Variants in RP1 observed in about 807,000 individuals in gnomAD.
The protein encoded by RP1 is oxygen-regulated protein 1.
RP1 carries 16 observed loss-of-function variants against 14.8 expected under a neutral mutation model. That is an observed-to-expected ratio of 1.08 (90% CI 0.73 to 1.65). The LOEUF (loss-of-function observed/expected upper bound fraction) is 1.65. RP1 is among the 40% of genes most tolerant of loss of function. The pLI, the probability that RP1 is intolerant of heterozygous loss-of-function variation, is 0.00. For missense variants in RP1, 2,631 were observed against 2,535.0 expected, an observed-to-expected ratio of 1.04 and a Z score of -0.81; for synonymous variants, 876 against 883.6, an observed-to-expected ratio of 0.99 and a Z score of 0.15.
intron 1 of RP1, among the ~76,000 whole-genome samples, chr8:54,577,719 A>G (rs1804692335): frequency 6.6e-6 from 1 of 152,192 alleles, no homozygotes; most frequent in Non-Finnish European, 1.5e-5. Flanking sequence ...CTCATATTGT[A>G]GATGAGGAAA....
intron 14 of RP1, among the ~76,000 whole-genome samples, chr8:54,703,750 A>G (rs1020493994): frequency 6.6e-6 from 1 of 152,130 alleles, no homozygotes; most frequent in Admixed American, 6.6e-5. Flanking sequence ...TCTGTTGATA[A>G]TCTCATCAAT....
Position 54,625,129 on chromosome 8 carries a change from T to G in RP1, c.1247T>G (p.Val416Gly). ...EEINIQMTDQ[V>G]AETCSSASWE... The stretch of plus-strand genomic sequence containing the variant: ...ATAAACATTCAAATGACAGATCAAG[T>G]GGCTGAAACTTGCAGTTCTGCTAGT... The change falls in exon 4 of 4, where the codon GTG becomes GGG. Residue 416 changes from valine (V) to glycine (G), a missense_variant. Val to Gly is a moderately radical substitution (Grantham distance 109). Transcript: ENST00000220676. 1 of 1,614,166 alleles carries G rather than the reference T, an allele frequency of 6.2e-7. No individual in the cohort carries two copies. The highest frequency in any genetic ancestry group is 8.5e-7 in the Non-Finnish European group (1 of 1,180,028).
chr8:54,793,585 C>A (rs758019018), intron 24 of RP1, among the ~76,000 whole-genome samples: 2 of 151,854 alleles, frequency 1.3e-5, no homozygotes, highest in Non-Finnish European at 2.9e-5. Context: ...ATAATGTGAT[C>A]ATCTCAACAG....
intron 17 of RP1, among the ~76,000 whole-genome samples, chr8:54,733,060 C>T (rs758508721): frequency 1.3e-5 from 2 of 152,044 alleles, no homozygotes; most frequent in Non-Finnish European, 2.9e-5. Flanking sequence ...TAGTGTGCAG[C>T]GCAGAAGAAA....
At chr8:54,726,278 T>C (rs1052347557) in intron 16 of RP1, 76 of 1,456,252 alleles carry the variant, frequency 5.2e-5, no homozygotes, top group African/African-American at 4.6e-4. Flanking sequence ...GCTGAACATA[T>C]GATGAGTATT....
chr8:54,856,422 T>C (rs892010468), intron 26 of RP1, among the ~76,000 whole-genome samples: 1 of 152,218 alleles, frequency 6.6e-6, no homozygotes, highest in African/African-American at 2.4e-5. Context: ...TTTTAAAACG[T>C]CCTATGCGTG....
At chr8:54,723,583 A>T (rs1280388138) in intron 16 of RP1, among the ~76,000 whole-genome samples, 3 of 152,074 alleles carry the variant, frequency 2.0e-5, no homozygotes, top group Non-Finnish European at 2.9e-5. Context: ...AAAAGATCTG[A>T]CCCCTTGGGC....
At chr8:54,795,087 A>G (rs1810549800) in intron 24 of RP1, among the ~76,000 whole-genome samples, 1 of 151,994 alleles carries the variant, frequency 6.6e-6, no homozygotes, top group South Asian at 2.1e-4. Context: ...AAAACAAGAG[A>G]TAGTAAGTTT....
chr8:54,739,550 A>T (rs1455710166), intron 19 of RP1, among the ~76,000 whole-genome samples: 3 of 152,190 alleles, frequency 2.0e-5, no homozygotes, highest in African/African-American at 7.2e-5. Flanking sequence ...TGTTCATAGA[A>T]ATCTGAAGAA....
intron 19 of RP1, among the ~76,000 whole-genome samples, chr8:54,753,521 G>A (rs1318106031): frequency 6.6e-6 from 1 of 152,134 alleles, no homozygotes; most frequent in Non-Finnish European, 1.5e-5. Flanking sequence ...GACTCATCAC[G>A]GTAATGAGTC....
upstream of RP1, among the ~76,000 whole-genome samples, chr8:54,613,647 G>A (rs1049485101): frequency 6.6e-6 from 1 of 152,164 alleles, no homozygotes. Flanking sequence ...GCGTGTTGAT[G>A]TAGTGGGAAG....
At chr8:54,845,702 C>A (rs1449882361) in intron 25 of RP1, among the ~76,000 whole-genome samples, 1 of 152,224 alleles carries the variant, frequency 6.6e-6, no homozygotes, top group Non-Finnish European at 1.5e-5. Context: ...GCAATAGCTG[C>A]TTAAATCTAG....
chr8:54,696,844 G>C (rs1475447033), intron 12 of RP1: 1 of 749,732 alleles, frequency 1.3e-6, no homozygotes, highest in African/African-American at 1.7e-5. Flanking sequence ...AGTCTGTCCA[G>C]TAACTCATTT....
intron 23 of RP1, among the ~76,000 whole-genome samples, chr8:54,780,083 T>C (rs1319583870): frequency 2.6e-5 from 4 of 152,218 alleles, no homozygotes; most frequent in Non-Finnish European, 4.4e-5. Context: ...ATCTCCCCCA[T>C]GCTGCCAGCT....
chr8:54,756,094 G>A (rs1187168153), intron 21 of RP1, among the ~76,000 whole-genome samples: 4 of 152,080 alleles, frequency 2.6e-5, no homozygotes, highest in Admixed American at 6.5e-5. Flanking sequence ...AAAGATACAA[G>A]GCATTATTTT....
rs1806227430 is a variant in RP1 at position 54,630,599 on chromosome 8, C to CT, written c.*246_*247insT. On this transcript the variant is annotated 3_prime_UTR_variant, in exon 4 of 4. Coordinates refer to ENST00000220676, the MANE Select transcript of RP1 (RefSeq NM_006269.2). ...TCTATCTGGTTTTGTTCTGAACTTA[C>CT]ATTTTTTTTTTTTTTGGTATCTATG... 7 of 1,048,800 alleles carry CT rather than the reference C, an allele frequency of 6.7e-6. No individual in the cohort carries two copies. Among genetic ancestry groups the CT allele is most frequent in the African/African-American group, 5.5e-5 (3 of 55,036 alleles). The allele number at this position is 1,048,800 out of a possible 1,614,324, so 65.0% of individuals were successfully genotyped here. A position where few individuals can be genotyped will look rare whatever the true frequency, so the allele number is the denominator to read the frequency against.
At chr8:54,743,241 G>A (rs1015252678) in intron 19 of RP1, among the ~76,000 whole-genome samples, 6 of 152,084 alleles carry the variant, frequency 3.9e-5, no homozygotes, top group Non-Finnish European at 7.4e-5. Context: ...ATATATATAT[G>A]TTTGTGTGTT....
At chr8:54,802,941 A>C (rs1563380799) in intron 24 of RP1, among the ~76,000 whole-genome samples, 1 of 152,156 alleles carries the variant, frequency 6.6e-6, no homozygotes, top group African/African-American at 2.4e-5. Flanking sequence ...TGTGTGTTCT[A>C]TAGAAGCAAG....
chr8:54,577,483 T>G (rs1585521035), intron 1 of RP1, among the ~76,000 whole-genome samples: 1 of 152,344 alleles, frequency 6.6e-6, no homozygotes, highest in East Asian at 1.9e-4. Context: ...TTCTATGTGG[T>G]TTTTCATGTT....
Sources: gnomAD v4.1 joint callset for allele counts (sites outside exome capture counted in the v4.1 genomes callset) on GRCh38, gnomAD v4.1.1 for gene constraint, MANE v1.5 for transcripts, NCBI Gene and HGNC (gene_info 2026-07-23, HGNC 2026-07-21) for gene names.